The following KRT19 variants were observed in gnomAD, a reference collection of about 807,000 sequenced individuals.
The protein encoded by KRT19 is keratin, type I cytoskeletal 19.
A neutral mutation model predicts 34.6 loss-of-function variants in KRT19; 21 were observed. The observed-to-expected ratio is 0.61, with a 90% CI of 0.43 to 0.87. The LOEUF is 0.87. Among genes scored for constraint, KRT19 ranks in the 40% least tolerant of loss-of-function variants. KRT19 has a pLI of 0.00. For synonymous variants in KRT19, 240 were observed against 245.8 expected (o/e 0.98, Z 0.22); for missense variants, 514 against 545.7 (o/e 0.94, Z 0.58).
At chr17:41,525,467 A>T in intron 1 of KRT19, 194 bp from the exon 2 acceptor site, 1 of 563,248 alleles carries the variant, frequency 1.8e-6, no homozygotes, top group Non-Finnish European at 3.2e-6. Context: ...AAGCTGGGGC[A>T]GGAAGAAAAC....
At chr17:41,527,496 C>T (rs1383415235) in intron 1 of KRT19, among the ~76,000 whole-genome samples, 1 of 152,228 alleles carries the variant, frequency 6.6e-6, no homozygotes, top group Non-Finnish European at 1.5e-5. Context: ...ACTCTACAGC[C>T]GGGTCCCATC....
Position 41,528,179 on chromosome 17 carries a change from C to G in KRT19, c.69G>C (p.Val23=). Reference sequence around the variant, plus strand: ...GAAAGGCGACCCCCGGCCCAAAACGCACGGAGCCGCCGCCCAGGCCTCCGA... The same window carrying G: ...GAAAGGCGACCCCCGGCCCAAAACGGACGGAGCCGCCGCCCAGGCCTCCGA... ...SSFGGLGGGS[V]RFGPGVAFRA... Residue 23 remains valine (V), a synonymous_variant, in exon 1 of 6, where the codon GTG becomes GTC. Transcript: ENST00000361566. 1 of 1,591,888 alleles carries G rather than the reference C, an allele frequency of 6.3e-7. No homozygotes were observed. Among genetic ancestry groups the G allele is most frequent in the African/African-American group, 1.3e-5 (1 of 74,682 alleles).
In KRT19 at chr17:41,528,126, C is replaced by T. The variant is rs1905938571; in HGVS notation, c.122G>A (p.Gly41Asp). Residue 41 changes from glycine to aspartate, a missense_variant, in exon 1 of 6, where the codon GGC becomes GAC. By Grantham distance (94) the Gly-to-Asp change is moderately conservative. Coordinates refer to ENST00000361566, the MANE Select transcript of KRT19 (RefSeq NM_002276.5). ...FRAPSIHGGS[G>D]GRGVSVSSAR... is the part of the protein sequence containing the mutation. ...GGAGGACACGGATACGCCGCGGCCG[C>T]CGGAGCCCCCGTGAATGCTGGGCGC... is the stretch of plus-strand genomic sequence containing the variant. The T allele has an allele frequency of 6.9e-6, 11 of 1,605,502 alleles. No individual in the cohort carries two copies. The highest frequency in any genetic ancestry group is 9.3e-6 in the Non-Finnish European group (11 of 1,177,944).
chr17:41,525,367 A>C (rs1597781476), intron 1 of KRT19, 94 bp from the exon 2 acceptor site: 3 of 930,474 alleles, frequency 3.2e-6, no homozygotes, highest in Non-Finnish European at 3.6e-6. Flanking sequence ...AAATGAATAT[A>C]CCCCGGCACC....
intron 2 of KRT19, 67 bp downstream of exon 2, chr17:41,525,124 A>G: frequency 1.3e-6 from 2 of 1,558,186 alleles, no homozygotes; most frequent in Non-Finnish European, 1.8e-6. Context: ...AGGTGAGGGC[A>G]GATTCTAAAC....
At chr17:41,525,613 A>G (rs1348717289) in intron 1 of KRT19, 5 of 279,184 alleles carry the variant, frequency 1.8e-5, no homozygotes, top group East Asian at 1.7e-4. Flanking sequence ...TTTTGTCTAT[A>G]CCTGCCCCCC....
Position 41,528,266 on chromosome 17 carries a change from C to A in KRT19, c.-19G>T, listed in dbSNP as rs897074296. The A allele has an allele frequency of 4.6e-6, 7 of 1,524,220 alleles. No homozygotes were observed. The highest frequency in any genetic ancestry group is 2.3e-5 in the East Asian group (1 of 43,830). 94.4% of individuals were successfully genotyped at this position (1,524,220 alleles called of 1,614,324 possible). Reference sequence around the variant, plus strand: ...AAGTCATGGCGAGGCGGAGCACGGACGGAGCAACCCTGGTCTCAGAAGCTG... The same window carrying A: ...AAGTCATGGCGAGGCGGAGCACGGAAGGAGCAACCCTGGTCTCAGAAGCTG... On this transcript the variant is annotated 5_prime_UTR_variant, in exon 1 of 6. Transcript: ENST00000361566.
rs756469704 is a variant in KRT19 at position 41,528,151 on chromosome 17, C to A, written c.97G>T (p.Ala33Ser). 4 of 1,598,620 alleles carry A rather than the reference C, an allele frequency of 2.5e-6. No individual in the cohort carries two copies. The highest frequency in any genetic ancestry group is 2.0e-4 in the Middle Eastern group (1 of 4,986). Reference sequence around the variant, plus strand: ...CCGGAGCCCCCGTGAATGCTGGGCGCGCGAAAGGCGACCCCCGGCCCAAAA... The same window carrying A: ...CCGGAGCCCCCGTGAATGCTGGGCGAGCGAAAGGCGACCCCCGGCCCAAAA... The part of the protein sequence containing the change: ...VRFGPGVAFR[A>S]PSIHGGSGGR... The change falls in exon 1 of 6, where the codon GCG (alanine) becomes TCG (serine). Residue 33 changes from alanine (A) to serine (S), a missense_variant. Coordinates refer to ENST00000361566, the MANE Select transcript of KRT19 (RefSeq NM_002276.5).
Position 41,523,984 on chromosome 17 carries a change from T to C in KRT19, c.962A>G (p.Glu321Gly). 1 of 1,610,514 alleles carries C rather than the reference T, an allele frequency of 6.2e-7. No homozygotes were observed. Among genetic ancestry groups the C allele is most frequent in the East Asian group, 2.2e-5 (1 of 44,806 alleles). Residue 321 changes from glutamate (E) to glycine (G), a missense_variant, in exon 6 of 6, where the codon GAA becomes GGA. Physicochemically the swap from Glu to Gly is moderately conservative, Grantham distance 98. Coordinates refer to ENST00000361566, the MANE Select transcript of KRT19 (RefSeq NM_002276.5). ...CGCCTCCGTTTCTGCCAGTGTGTCT[T>C]CCAAGGCAGCTTTCTGAGGATAGGG... ...QSQLSMKAAL[E>G]DTLAETEARF...
intron 1 of KRT19, chr17:41,525,623 C>A (rs75742748): frequency 7.7e-6 from 2 of 258,696 alleles, no homozygotes; most frequent in African/African-American, 2.2e-5. Flanking sequence ...ACCTGCCCCC[C>A]CCACTATGCG....
Position 41,527,965 on chromosome 17 carries a change from G to A in KRT19, c.283C>T (p.Leu95=), listed in dbSNP as rs1905928443. The change falls in exon 1 of 6, where the codon CTG becomes TTG. Residue 95 remains leucine, a synonymous_variant. Coordinates refer to ENST00000361566, the MANE Select transcript of KRT19 (RefSeq NM_002276.5). ...QNLNDRLASY[L]DKVRALEAAN... ...GCCTCCAGGGCGCGCACCTTGTCCA[G>A]GTAGGAGGCCAGGCGGTCGTTGAGG... The A allele has an allele frequency of 1.2e-6, 2 of 1,613,676 alleles. No individual in the cohort carries two copies. The highest frequency in any genetic ancestry group is 1.7e-5 in the Admixed American group (1 of 60,014).
chr17:41,523,839 G>C lies in KRT19; in HGVS notation c.1107C>G (p.Ile369Met), dbSNP rs1905756564. Reference sequence around the variant, plus strand: ...CAATCTCCTGCTCCAGCCGCGACTTGATGTCCATGAGCCGCTGGTACTCCT... The same window carrying C: ...CAATCTCCTGCTCCAGCCGCGACTTCATGTCCATGAGCCGCTGGTACTCCT... ...QNQEYQRLMD[I>M]KSRLEQEIAT... is the part of the protein sequence containing the mutation. The change falls in exon 6 of 6, where the codon ATC becomes ATG. Residue 369 changes from isoleucine (I) to methionine (M), a missense_variant. Transcript: ENST00000361566. The C allele has an allele frequency of 6.2e-7, 1 of 1,613,878 alleles. No homozygotes were observed. The highest frequency in any genetic ancestry group is 1.3e-5 in the African/African-American group (1 of 74,920).
Position 41,523,668 on chromosome 17 carries a change from A to G in KRT19, c.*75T>C. ...CAGGTCAGGAGAAGAGCCGGGGGTA[A>G]GGGTCCCTTCCTTCCCATCCCTCTA... On this transcript the variant is annotated 3_prime_UTR_variant, in exon 6 of 6. Coordinates refer to ENST00000361566, the MANE Select transcript of KRT19 (RefSeq NM_002276.5). 6.9e-7 allele frequency: 1 copy of G among 1,449,580 alleles called. No individual in the cohort carries two copies. Among genetic ancestry groups the G allele is most frequent in the African/African-American group, 1.4e-5 (1 of 71,250 alleles). 89.8% of individuals were successfully genotyped at this position (1,449,580 alleles called of 1,614,324 possible).
At chr17:41,526,073 G>A (rs936799901) in intron 1 of KRT19, among the ~76,000 whole-genome samples, 1 of 152,048 alleles carries the variant, frequency 6.6e-6, no homozygotes, top group Non-Finnish European at 1.5e-5. Context: ...CCGGGTTCAC[G>A]CCATTCTCCT....
chr17:41,524,117 A>G lies in KRT19; in HGVS notation c.948+26T>C, dbSNP rs775549534. The G allele has an allele frequency of 3.7e-6, 6 of 1,607,180 alleles. No homozygotes were observed. The South Asian group carries it at 6.6e-5, about 18-fold the overall frequency. On this transcript the variant is annotated intron_variant, in intron 5 of 5. Coordinates refer to ENST00000361566, the MANE Select transcript of KRT19 (RefSeq NM_002276.5). ...GGTATAAGTGTGAATTGCACAGGGA[A>G]GCGGCGGCGGTGGGGGGACACATAC...
Position 41,524,130 on chromosome 17 carries a change from G to GC in KRT19, c.948+12_948+13insG. The GC allele has an allele frequency of 1.2e-6, 2 of 1,612,348 alleles. No individual in the cohort carries two copies. Among genetic ancestry groups the GC allele is most frequent in the Non-Finnish European group, 1.7e-6 (2 of 1,179,036 alleles). On this transcript the variant is annotated intron_variant, in intron 5 of 5. Coordinates refer to ENST00000361566, the MANE Select transcript of KRT19 (RefSeq NM_002276.5). ...ATTGCACAGGGAAGCGGCGGCGGTG[G>GC]GGGGACACATACCATGCTCAGCTGT...
chr17:41,527,238 C>T (rs1224813312), intron 1 of KRT19, among the ~76,000 whole-genome samples: 1 of 152,208 alleles, frequency 6.6e-6, no homozygotes, highest in Admixed American at 6.5e-5. Context: ...CCTCCTTTAC[C>T]CCGCCCAGGG....
At chr17:41,526,426 A>G (rs1905866287) in intron 1 of KRT19, among the ~76,000 whole-genome samples, 1 of 148,492 alleles carries the variant, frequency 6.7e-6, no homozygotes, top group Admixed American at 6.8e-5. Flanking sequence ...AAGGGTGCGT[A>G]GTAAAATGTA....
chr17:41,528,165 C>G lies in KRT19; in HGVS notation c.83G>C (p.Gly28Ala). The part of the protein sequence containing the change: ...LGGGSVRFGP[G>A]VAFRAPSIHG... Reference sequence around the variant, plus strand: ...AATGCTGGGCGCGCGAAAGGCGACCCCCGGCCCAAAACGCACGGAGCCGCC... The same window carrying G: ...AATGCTGGGCGCGCGAAAGGCGACCGCCGGCCCAAAACGCACGGAGCCGCC... Residue 28 changes from glycine (G) to alanine (A), a missense_variant, in exon 1 of 6, where the codon GGG becomes GCG. Coordinates refer to ENST00000361566, the MANE Select transcript of KRT19 (RefSeq NM_002276.5). 1.3e-6 allele frequency: 2 copies of G among 1,594,724 alleles called. No homozygotes were observed. The highest frequency in any genetic ancestry group is 1.7e-6 in the Non-Finnish European group (2 of 1,175,528).
Sources: allele counts gnomAD v4.1 joint callset (sites outside exome capture counted in the v4.1 genomes callset), GRCh38; gene constraint gnomAD v4.1.1; transcripts MANE v1.5; gene names NCBI Gene and HGNC (gene_info 2026-07-23, HGNC 2026-07-21).